The following NCAM1 variants were observed in gnomAD, a reference collection of about 807,000 sequenced individuals.
NCAM1 encodes the protein antigen recognized by monoclonal antibody 5.1H11.
A neutral mutation model predicts 109.8 loss-of-function variants in NCAM1; 14 were observed. That is an observed-to-expected ratio of 0.13 (90% CI 0.08 to 0.20). The LOEUF is 0.20. NCAM1 is among the 10% of genes least tolerant of loss of function. The pLI, the probability that NCAM1 is intolerant of heterozygous loss-of-function variation, is 1.00. For synonymous variants in NCAM1, 418 were observed against 442.9 expected, an observed-to-expected ratio of 0.94 and a Z score of 0.70; for missense variants, 774 against 1,109.9, an observed-to-expected ratio of 0.70 and a Z score of 4.30.
At chr11:113,239,934 G>A (rs782291445) in intron 14 of NCAM1, among the ~76,000 whole-genome samples, 29 of 152,306 alleles carry the variant, frequency 1.9e-4, no homozygotes, top group Non-Finnish European at 3.4e-4. Flanking sequence ...TCTAGCTCTC[G>A]AAGGAGACTT....
At chr11:113,250,097 A>G (rs1028791416) in intron 15 of NCAM1, among the ~76,000 whole-genome samples, 1 of 152,222 alleles carries the variant, frequency 6.6e-6, no homozygotes, top group Admixed American at 6.5e-5. Context: ...AAAGCTGAAG[A>G]GAAAAGGGTT....
chr11:113,244,043 G>T (rs1378962569), intron 14 of NCAM1, among the ~76,000 whole-genome samples: 2 of 152,070 alleles, frequency 1.3e-5, no homozygotes, highest in Non-Finnish European at 2.9e-5. Context: ...GCTCGCATGG[G>T]TTTAATTCAG....
chr11:113,263,045 T>G, intron 17 of NCAM1: 1 of 1,464,810 alleles, frequency 6.8e-7, no homozygotes, highest in Non-Finnish European at 9.0e-7. Flanking sequence ...AACCATTCTG[T>G]GTGGAAGAGA....
At chr11:113,134,038 C>T (rs551876487) in intron 1 of NCAM1, 2 of 151,872 alleles carry the variant, frequency 1.3e-5, no homozygotes, top group African/African-American at 4.8e-5. Context: ...TAAGTATACC[C>T]TTCAGTAGCG....
intron 14 of NCAM1, among the ~76,000 whole-genome samples, chr11:113,245,172 A>C (rs1254053625): frequency 2.0e-5 from 3 of 152,120 alleles, no homozygotes; most frequent in African/African-American, 7.2e-5. Flanking sequence ...TAACCACAAC[A>C]GGTTGGGTGC....
chr11:113,079,217 C>T (rs560209820), intron 1 of NCAM1, among the ~76,000 whole-genome samples: 11 of 152,166 alleles, frequency 7.2e-5, no homozygotes, highest in African/African-American at 2.2e-4. Flanking sequence ...GTTAAGCATG[C>T]GCTCTATATT....
chr11:113,206,223 C>T, intron 5 of NCAM1, 43 bp downstream of exon 5: 1 of 1,542,874 alleles, frequency 6.5e-7, no homozygotes, highest in Non-Finnish European at 8.7e-7. Flanking sequence ...TTGCTACAAC[C>T]TTGGTTCTCC....
At chr11:113,214,306 C>A in intron 7 of NCAM1, 63 bp from the exon 8 acceptor site, 1 of 1,558,650 alleles carries the variant, frequency 6.4e-7, no homozygotes, top group South Asian at 1.2e-5. Context: ...AGGTGCATGC[C>A]ATCATTTAAA....
chr11:112,984,666 T>C (rs1426451208), intron 1 of NCAM1, among the ~76,000 whole-genome samples: 1 of 152,002 alleles, frequency 6.6e-6, no homozygotes, highest in Non-Finnish European at 1.5e-5. Context: ...AGCACCTTTT[T>C]GTATACAGTA....
intron 1 of NCAM1, among the ~76,000 whole-genome samples, chr11:113,192,504 T>C (rs537408485): frequency 9.2e-5 from 14 of 152,298 alleles, no homozygotes; most frequent in African/African-American, 3.4e-4. Context: ...CTGGATGGAT[T>C]AATCAGCTTG....
chr11:113,259,145 G>A (rs1555122804), intron 16 of NCAM1, among the ~76,000 whole-genome samples: 2 of 147,818 alleles, frequency 1.4e-5, no homozygotes, highest in South Asian at 2.1e-4. Flanking sequence ...TCTGCCTCCC[G>A]GGTTCACGCC....
intron 1 of NCAM1, among the ~76,000 whole-genome samples, chr11:113,151,384 T>C (rs1043499794): frequency 6.6e-6 from 1 of 152,208 alleles, no homozygotes; most frequent in Non-Finnish European, 1.5e-5. Flanking sequence ...CCACATTGAA[T>C]TGACCATCTT....
intron 1 of NCAM1, among the ~76,000 whole-genome samples, chr11:112,997,876 C>A (rs1257254094): frequency 3.3e-5 from 5 of 152,164 alleles, no homozygotes; most frequent in Non-Finnish European, 7.4e-5. Context: ...ATATTTTGTT[C>A]TCTTCTTATG....
At position 113,056,017 on chromosome 11, in the gene NCAM1, ATATATAT is replaced by A. The variant is rs1565409322; in HGVS notation, c.52+94354_52+94360del. Reference sequence around the variant, plus strand: ...TATATATATATATATATATATATATATATATATAAAATATATATATTATATATACACA... The same window carrying A: ...TATATATATATATATATATATATATAAAAATATATATATTATATATACACA... On this transcript the variant is annotated intron_variant, in intron 1 of 19. Transcript: ENST00000316851. Among the ~76,000 whole-genome samples, 8 of 121,258 alleles carry A rather than the reference ATATATAT, an allele frequency of 6.6e-5. 1 individual carries two copies. Among genetic ancestry groups the A allele is most frequent in the African/African-American group, 2.5e-4 (8 of 31,966 alleles). 79.5% of individuals were successfully genotyped at this position (121,258 alleles called of 152,430 possible).
chr11:113,127,364 A>G (rs1555097343), intron 1 of NCAM1, among the ~76,000 whole-genome samples: 1 of 152,216 alleles, frequency 6.6e-6, no homozygotes. Context: ...ATAGGGAGCT[A>G]GAAGACTGTG....
intron 17 of NCAM1, chr11:113,264,826 C>A: frequency 3.0e-6 from 3 of 985,388 alleles, no homozygotes; most frequent in Non-Finnish European, 3.6e-6. Flanking sequence ...GACAGACCCA[C>A]GGCTTGTAAC....
At chr11:113,015,464 G>T (rs1234541682) in intron 1 of NCAM1, among the ~76,000 whole-genome samples, 1 of 152,184 alleles carries the variant, frequency 6.6e-6, no homozygotes, top group East Asian at 1.9e-4. Flanking sequence ...GGTCAGGTGT[G>T]GTGGCTTATG....
intron 1 of NCAM1, among the ~76,000 whole-genome samples, chr11:113,148,563 G>A (rs977698073): frequency 2.0e-5 from 3 of 152,132 alleles, no homozygotes; most frequent in Admixed American, 6.5e-5. Context: ...AGGTGAGGAA[G>A]TGGGCATTCA....
intron 1 of NCAM1, among the ~76,000 whole-genome samples, chr11:113,162,047 A>G (rs962939587): frequency 3.3e-5 from 5 of 152,194 alleles, no homozygotes; most frequent in Admixed American, 6.5e-5. Flanking sequence ...GGAAGTCAGG[A>G]TCATTTAAGT....
Sources: allele counts gnomAD v4.1 joint callset (sites outside exome capture counted in the v4.1 genomes callset), GRCh38; gene constraint gnomAD v4.1.1; transcripts MANE v1.5; gene names NCBI Gene and HGNC (gene_info 2026-07-23, HGNC 2026-07-21).